The following MGAM variants were observed in gnomAD, a reference collection of about 807,000 sequenced individuals.
MGAM encodes the protein alpha-1,4-glucosidase.
Under a neutral mutation model 358.8 loss-of-function variants are expected in MGAM, and 253 were observed. The ratio of observed to expected loss-of-function variants is 0.71; its 90% CI spans 0.64 to 0.78. MGAM has a LOEUF of 0.78. Ranked by LOEUF, MGAM falls within the 30% of genes least tolerant of loss-of-function variation. The pLI, the probability that MGAM is intolerant of heterozygous loss-of-function variation, is 0.00. For synonymous variants in MGAM, 1,105 were observed against 1,227.1 expected (o/e 0.90, Z 2.08); for missense variants, 3,080 against 3,432.6 (o/e 0.90, Z 2.57).
chr7:141,991,044 G>A (rs1803923062), upstream of MGAM, among the ~76,000 whole-genome samples: 1 of 152,182 alleles, frequency 6.6e-6, no homozygotes, highest in East Asian at 1.9e-4. Flanking sequence ...CAGACTGCCT[G>A]GCTTTGCATT....
rs1422418112 is a variant in MGAM, at chr7:142,042,028, ATAT to A, written c.2498+1186_2498+1188del. ...ATATATAATATAATATATATATATTATATTATATACATATAATATATAATATAT... is the reference window on the plus strand; with the variant it reads ...ATATATAATATAATATATATATATTATATATACATATAATATATAATATAT... On this transcript the variant is annotated intron_variant, in intron 21 of 70. Coordinates refer to ENST00000475668, the MANE Select transcript of MGAM (RefSeq NM_001365693.1). Among the ~76,000 whole-genome samples the A allele has an allele frequency of 3.9e-4, 9 of 23,058 alleles. 1 individual carries two copies. The highest frequency in any genetic ancestry group is 2.3e-3 in the East Asian group (2 of 884). 15.1% of individuals were successfully genotyped at this position (23,058 alleles called of 152,430 possible).
chr7:142,102,817 T>C (rs116900668), intron 69 of MGAM, 138 bp downstream of exon 69: 14,015 of 874,520 alleles, frequency 0.016, 979 homozygotes, highest in Admixed American at 0.14. Context: ...TTCTCTAGAC[T>C]TCCGGTGGAA....
rs775467405 is a variant in MGAM at position 142,068,629 on chromosome 7, G to GT, written c.5005-15dup. 1 of 1,518,442 alleles carries GT rather than the reference G, an allele frequency of 6.6e-7. No homozygotes were observed. The highest frequency in any genetic ancestry group is 2.3e-5 in the East Asian group (1 of 43,844). 94.1% of individuals were successfully genotyped at this position (1,518,442 alleles called of 1,614,324 possible). A position where few individuals can be genotyped will look rare whatever the true frequency, so the allele number is the denominator to read the frequency against. ...GAAAATGGTGGCACTGCCTCACCTT[G>GT]TTTGTGTTTCATTTTAGAATGCCAG... is the stretch of plus-strand genomic sequence containing the variant. On this transcript the variant is annotated splice_polypyrimidine_tract_variant and intron_variant, in intron 42 of 70. Transcript: ENST00000475668.
At position 142,065,388 on chromosome 7, in the gene MGAM, T is replaced by C; in HGVS notation, c.4538T>C (p.Phe1513Ser). The C allele has an allele frequency of 6.2e-7, 1 of 1,611,366 alleles. No individual in the cohort carries two copies. Among genetic ancestry groups the C allele is most frequent in the Non-Finnish European group, 8.5e-7 (1 of 1,178,848 alleles). Reference protein sequence around the residue: ...QRGVVITRSTFPSSGRWAGHW... With the variant: ...QRGVVITRSTSPSSGRWAGHW... ...GGGGTCGTCATCACCCGCTCCACAT[T>C]TCCCTCTTCTGGCCGCTGGGCAGGA... Residue 1513 changes from phenylalanine (F) to serine (S), a missense_variant, in exon 38 of 71, where the codon TTT (phenylalanine) becomes TCT (serine). By Grantham distance (155) the Phe-to-Ser change is radical. Transcript: ENST00000475668.
chr7:141,993,115 G>A (rs1254622200), upstream of MGAM, among the ~76,000 whole-genome samples: 4 of 152,182 alleles, frequency 2.6e-5, no homozygotes, highest in Non-Finnish European at 5.9e-5. Context: ...ACTGTGAAAC[G>A]ACTGTGATAA....
chr7:142,025,141 A>G lies in MGAM; in HGVS notation c.974A>G (p.Asn325Ser). 1 of 1,603,940 alleles carries G rather than the reference A, an allele frequency of 6.2e-7. No homozygotes were observed. Among genetic ancestry groups the G allele is most frequent in the Non-Finnish European group, 8.5e-7 (1 of 1,170,834 alleles). ...LSFGVFLMNS[N>S]AMEVVLQPAP... ...TTTGGGGTGTTTCTGATGAACAGCAATGCCATGGGTAAAGGAATATTCATG... is the reference window on the plus strand; with the variant it reads ...TTTGGGGTGTTTCTGATGAACAGCAGTGCCATGGGTAAAGGAATATTCATG... Residue 325 changes from asparagine (N) to serine (S), a missense_variant, in exon 8 of 71, where the codon AAT (asparagine) becomes AGT (serine). Asn to Ser is a conservative substitution (Grantham distance 46). Coordinates refer to ENST00000475668, the MANE Select transcript of MGAM (RefSeq NM_001365693.1).
chr7:142,000,052 A>G (rs1373339096), intron 1 of MGAM, among the ~76,000 whole-genome samples: 1 of 152,218 alleles, frequency 6.6e-6, no homozygotes, highest in Non-Finnish European at 1.5e-5. Flanking sequence ...TGCTAATGAT[A>G]TTTTATTAAA....
At chr7:142,049,471 G>A (rs1033186156) in intron 22 of MGAM, among the ~76,000 whole-genome samples, 1 of 152,088 alleles carries the variant, frequency 6.6e-6, no homozygotes, top group Non-Finnish European at 1.5e-5. Context: ...AAACTAAAAG[G>A]CTTCTGCACA....
At chr7:142,093,145 C>T (rs1401400517) in intron 59 of MGAM, among the ~76,000 whole-genome samples, 4 of 146,394 alleles carry the variant, frequency 2.7e-5, no homozygotes, top group African/African-American at 9.7e-5. Flanking sequence ...AAGTCAAAAG[C>T]CTAAATAAGA....
Position 142,081,943 on chromosome 7 carries a change from G to T in MGAM, c.6003-99G>T. ...TTTGTTTGGGAGATGAACAGCTTCT[G>T]GGTAGGAATCAAGTGTTCTGTTGTC... On this transcript the variant is annotated intron_variant, in intron 50 of 70. Transcript: ENST00000475668. 6.5e-6 allele frequency: 8 copies of T among 1,224,006 alleles called. 1 individual carries two copies. In the East Asian group the frequency reaches 7.2e-5, roughly 11 times the overall value. 75.8% of individuals were successfully genotyped at this position (1,224,006 alleles called of 1,614,324 possible).
Position 142,077,076 on chromosome 7 carries a change from C to A in MGAM, c.5493+250C>A, listed in dbSNP as rs10244325. ...GTGTTCCCATCTCTCTAGCTGGTTTCACTTGCTTTTCCCAAAAATAGAATA... is the reference window on the plus strand; with the variant it reads ...GTGTTCCCATCTCTCTAGCTGGTTTAACTTGCTTTTCCCAAAAATAGAATA... On this transcript the variant is annotated intron_variant, in intron 47 of 70. Coordinates refer to ENST00000475668, the MANE Select transcript of MGAM (RefSeq NM_001365693.1). Among the ~76,000 whole-genome samples the A allele has an allele frequency of 5.7e-3, 833 of 145,784 alleles. 42 individuals are homozygous for A. The highest frequency in any genetic ancestry group is 0.019 in the African/African-American group (774 of 41,158).
intron 67 of MGAM, 57 bp from the exon 68 acceptor site, chr7:142,100,745 T>C: frequency 6.9e-7 from 1 of 1,448,952 alleles, no homozygotes; most frequent in East Asian, 2.4e-5. Flanking sequence ...ATGTAAAGTC[T>C]TGGTTTGTGG....
intron 3 of MGAM, among the ~76,000 whole-genome samples, chr7:142,017,160 G>A (rs1031908422): frequency 6.6e-6 from 1 of 151,550 alleles, no homozygotes; most frequent in South Asian, 2.1e-4. Flanking sequence ...TTTTTGGATC[G>A]AGGATTTCCA....
At position 142,082,089 on chromosome 7, in the gene MGAM, G is replaced by A. The variant is rs749521634; in HGVS notation, c.6050G>A (p.Arg2017His). Residue 2017 changes from arginine (R) to histidine (H), a missense_variant, in exon 51 of 71, where the codon CGC becomes CAC. Physicochemically the swap from Arg to His is conservative, Grantham distance 29 (BLOSUM62 0). Transcript: ENST00000475668. ...LGFTFNDMFIRISTRLPSKYL... is the reference protein window; with the variant it reads ...LGFTFNDMFIHISTRLPSKYL... ...TTCACCTTCAATGACATGTTTATCC[G>A]CATCTCCACCCGCCTTCCCTCCAAG... 5.7e-5 allele frequency: 88 copies of A among 1,555,490 alleles called. 16 individuals carry two copies. Among genetic ancestry groups the A allele is most frequent in the African/African-American group, 8.1e-5 (6 of 74,446 alleles).
chr7:142,075,727 C>T (rs1813679021), intron 45 of MGAM, among the ~76,000 whole-genome samples: 1 of 145,868 alleles, frequency 6.9e-6, no homozygotes, highest in Admixed American at 6.9e-5. Context: ...AGTCAAAAAT[C>T]ACAGCGAGAT....
chr7:142,095,913 A>C, intron 64 of MGAM, 200 bp downstream of exon 64: 1 of 844,312 alleles, frequency 1.2e-6, no homozygotes, highest in Non-Finnish European at 1.8e-6. Flanking sequence ...TTGAATGAGC[A>C]AAACTGAAAT....
intron 21 of MGAM, among the ~76,000 whole-genome samples, chr7:142,044,770 TTATA>T (rs1383477041): frequency 2.2e-5 from 2 of 91,096 alleles, no homozygotes; most frequent in African/African-American, 9.0e-5. Context: ...ATAATGTATA[TTATA>T]TACACGTGTA....
In MGAM at chr7:142,071,173, G is replaced by A. The variant is rs1813317595; in HGVS notation, c.5186+55G>A. The A allele has an allele frequency of 2.7e-6, 4 of 1,499,152 alleles. No homozygotes were observed. In the East Asian group the frequency reaches 7.0e-5, roughly 26 times the overall value. 92.9% of individuals were successfully genotyped at this position (1,499,152 alleles called of 1,614,324 possible). On this transcript the variant is annotated intron_variant, in intron 44 of 70. Coordinates refer to ENST00000475668, the MANE Select transcript of MGAM (RefSeq NM_001365693.1). ...CATTTCAGTTAGCTCAACAATTTGT[G>A]ATGAAGTCTACCAAAATGTAAGCAT...
Position 142,065,958 on chromosome 7 carries a change from G to GTTTTT in MGAM, c.4770+131_4770+132insTTTTT, listed in dbSNP as rs1477940566. 9.1e-5 allele frequency: 68 copies of GTTTTT among 743,266 alleles called. No individual in the cohort carries two copies. The African/African-American group carries it at 1.3e-3, about 15-fold the overall frequency. 46.0% of individuals were successfully genotyped at this position (743,266 alleles called of 1,614,324 possible). A position where few individuals can be genotyped will look rare whatever the true frequency, so the allele number is the denominator to read the frequency against. On this transcript the variant is annotated intron_variant, in intron 40 of 70. Coordinates refer to ENST00000475668, the MANE Select transcript of MGAM (RefSeq NM_001365693.1). Reference sequence around the variant, plus strand: ...AAAAAAAGGTGTTTTTTTTTGTTTTGTTTTGTTTTGTTTTTTTTTTTGAAA... The same window carrying GTTTTT: ...AAAAAAAGGTGTTTTTTTTTGTTTTGTTTTTTTTTGTTTTGTTTTTTTTTTTGAAA...
Sources: gnomAD v4.1 joint callset for allele counts (sites outside exome capture counted in the v4.1 genomes callset) on GRCh38, gnomAD v4.1.1 for gene constraint, MANE v1.5 for transcripts, NCBI Gene and HGNC (gene_info 2026-07-23, HGNC 2026-07-21) for gene names.